EXD3: variants seen among roughly 807,000 people sequenced by gnomAD.
EXD3 encodes exonuclease 3'-5' domain containing 3.
A neutral mutation model predicts 98.0 loss-of-function variants in EXD3; 92 were observed. That is an observed-to-expected ratio of 0.94 (90% CI 0.79 to 1.12). EXD3 has a LOEUF of 1.12. EXD3 is among the 50% of genes most tolerant of loss of function. The pLI, the probability that EXD3 is intolerant of heterozygous loss-of-function variation, is 0.00. For missense variants in EXD3, 1,222 were observed against 1,191.6 expected (o/e 1.03, Z -0.38); for synonymous variants, 569 against 526.0 (o/e 1.08, Z -1.12).
intron 5 of EXD3, among the ~76,000 whole-genome samples, chr9:137,369,026 GA>G: frequency 7.0e-6 from 1 of 143,412 alleles, no homozygotes; most frequent in Non-Finnish European, 1.5e-5. Context: ...GCCGTGTGGG[GA>G]GGGGCGCAGG....
intron 20 of EXD3, 26 bp from the exon 21 acceptor site, chr9:137,307,672 C>T (rs1564457304): frequency 1.2e-6 from 2 of 1,607,038 alleles, no homozygotes; most frequent in African/African-American, 1.3e-5. Flanking sequence ...GAGAGCTGGT[C>T]CGGGACTGTC....
rs756582069 is a variant in EXD3, at chr9:137,354,397, G to A, written c.832-20C>T. The stretch of plus-strand genomic sequence containing the variant: ...GCTCTTCTGCAAAGGCAAACAGGAA[G>A]GGGCGGTTGCCAGGCAGCTCCAGAG... On this transcript the variant is annotated intron_variant, in intron 9 of 21. Coordinates refer to ENST00000340951, the MANE Select transcript of EXD3 (RefSeq NM_017820.5). 1.2e-6 allele frequency: 2 copies of A among 1,612,326 alleles called. 1 individual carries two copies. Among genetic ancestry groups the A allele is most frequent in the South Asian group, 2.2e-5 (2 of 91,078 alleles).
At chr9:137,330,559 A>C (rs1468274187) in intron 17 of EXD3, among the ~76,000 whole-genome samples, 1 of 135,938 alleles carries the variant, frequency 7.4e-6, no homozygotes, top group East Asian at 2.6e-4. Context: ...GGAGCTACAC[A>C]GGGCTCCACA....
intron 6 of EXD3, among the ~76,000 whole-genome samples, chr9:137,367,151 C>T (rs1056424677): frequency 4.6e-5 from 7 of 152,194 alleles, no homozygotes; most frequent in Non-Finnish European, 7.3e-5. Context: ...CACCTCCCTT[C>T]CCCCACCTCC....
At chr9:137,390,308 T>A (rs1836836194) in intron 2 of EXD3, among the ~76,000 whole-genome samples, 1 of 150,600 alleles carries the variant, frequency 6.6e-6, no homozygotes, top group Admixed American at 6.6e-5. Flanking sequence ...GGCGGGCACC[T>A]GTAGTCCCAG....
chr9:137,345,638 G>A (rs1055307378), intron 17 of EXD3: 5 of 148,882 alleles, frequency 3.4e-5, no homozygotes, highest in Admixed American at 6.8e-5. Context: ...CTCCAGCCTG[G>A]GCAACAGAGT....
rs954225481 is a variant in EXD3 at position 137,407,138 on chromosome 9, C to G, written c.-47-11734G>C. Among the ~76,000 whole-genome samples, 1 of 152,176 alleles carries G rather than the reference C, an allele frequency of 6.6e-6. No individual in the cohort carries two copies. The highest frequency in any genetic ancestry group is 1.5e-5 in the Non-Finnish European group (1 of 68,018). ...GTCCCGGGCACCCCACGCCGACCGC[C>G]GCGCGTCCGGGCCGGTCTCTGGGCC... On this transcript the variant is annotated intron_variant, in intron 1 of 21. Transcript: ENST00000340951. This position sits in a 1 kb window ranked among gnomAD's most constrained non-coding sequence, Gnocchi z 4.4.
At chr9:137,334,146 C>T (rs1833236732) in intron 17 of EXD3, among the ~76,000 whole-genome samples, 1 of 152,168 alleles carries the variant, frequency 6.6e-6, no homozygotes, top group African/African-American at 2.4e-5. Context: ...GGACTACAGG[C>T]ACCCGCCACC....
intron 14 of EXD3, among the ~76,000 whole-genome samples, chr9:137,350,607 A>AG (rs1444211639): frequency 1.1e-4 from 8 of 75,390 alleles, no homozygotes; most frequent in South Asian, 5.6e-4. Context: ...GATCACGGGG[A>AG]GGGTTCTAGA....
At chr9:137,343,104 A>C (rs1341030869) in intron 17 of EXD3, 1 of 152,364 alleles carries the variant, frequency 6.6e-6, no homozygotes, top group Non-Finnish European at 1.5e-5. Context: ...TGGGCGACAG[A>C]GTAAGACTCT....
At chr9:137,363,940 T>C (rs1325244016) in intron 7 of EXD3, among the ~76,000 whole-genome samples, 2 of 152,182 alleles carry the variant, frequency 1.3e-5, no homozygotes, top group Non-Finnish European at 2.9e-5. Context: ...ATTCCTGATG[T>C]TCATCACTTA....
At chr9:137,354,041 CCCCCACCCGG>C in intron 10 of EXD3, 1 of 1,198,708 alleles carries the variant, frequency 8.3e-7, no homozygotes, top group Non-Finnish European at 1.0e-6. Context: ...TGACTCTCAG[CCCCCACCCGG>C]CCCCACAGGC....
rs1297801086 is a variant in EXD3, at chr9:137,385,605, G to A, written c.56-2228C>T. Among the ~76,000 whole-genome samples, 1 of 152,260 alleles carries A rather than the reference G, an allele frequency of 6.6e-6. No homozygotes were observed. The highest frequency in any genetic ancestry group is 2.4e-5 in the African/African-American group (1 of 41,562). ...GGCTGGAGTGCAGTGCTGTGATCTCGGCTCACTGCAACCTCCACCTCTCAG... is the reference window on the plus strand; with the variant it reads ...GGCTGGAGTGCAGTGCTGTGATCTCAGCTCACTGCAACCTCCACCTCTCAG... On this transcript the variant is annotated intron_variant, in intron 2 of 21. Transcript: ENST00000340951. The surrounding 1 kb of genome is among the most constrained non-coding windows in gnomAD (Gnocchi z 4.4).
intron 2 of EXD3, chr9:137,392,471 G>A (rs1164111153): frequency 5.8e-6 from 1 of 173,232 alleles, no homozygotes; most frequent in African/African-American, 2.4e-5. Flanking sequence ...CAGGCAGCGA[G>A]GCGGGGCCAG....
chr9:137,417,644 C>T (rs1588447364), intron 1 of EXD3, among the ~76,000 whole-genome samples: 1 of 152,138 alleles, frequency 6.6e-6, no homozygotes, highest in Non-Finnish European at 1.5e-5. Flanking sequence ...AACGGCCGAG[C>T]GGAGGAGGAG....
intron 1 of EXD3, among the ~76,000 whole-genome samples, chr9:137,413,738 C>T (rs1054298391): frequency 6.6e-5 from 10 of 151,702 alleles, no homozygotes; most frequent in Non-Finnish European, 1.3e-4. Context: ...CCTGACCTCA[C>T]GTGATCCACT....
rs187035395 is a variant in EXD3 at position 137,397,383 on chromosome 9, G to A, written c.-47-1979C>T. ...ACAAAACATCAAGACACAACCCCAA[G>A]TTCAAGGGACTCAGCCAGAAGCTGA... On this transcript the variant is annotated intron_variant, in intron 1 of 21. Transcript: ENST00000340951. Among the ~76,000 whole-genome samples, 11 of 152,302 alleles carry A rather than the reference G, an allele frequency of 7.2e-5. No homozygotes were observed. The East Asian group carries it at 2.1e-3, about 29-fold the overall frequency.
In EXD3 at chr9:137,405,421, C is replaced by T. The variant is rs1010940415; in HGVS notation, c.-47-10017G>A. Among the ~76,000 whole-genome samples the T allele has an allele frequency of 1.3e-5, 2 of 152,228 alleles. No homozygotes were observed. Among genetic ancestry groups the T allele is most frequent in the South Asian group, 2.1e-4 (1 of 4,832 alleles). Reference sequence around the variant, plus strand: ...TCCTGGACTCATTCGTGCTGGTGTCCGTGGCCCAAGGATTTGCAGAGCCGC... The same window carrying T: ...TCCTGGACTCATTCGTGCTGGTGTCTGTGGCCCAAGGATTTGCAGAGCCGC... On this transcript the variant is annotated intron_variant, in intron 1 of 21. Coordinates refer to ENST00000340951, the MANE Select transcript of EXD3 (RefSeq NM_017820.5). This position sits in a 1 kb window ranked among gnomAD's most constrained non-coding sequence, Gnocchi z 4.1.
At position 137,330,351 on chromosome 9, in the gene EXD3, ACTACACAGGAG is replaced by A. The variant is rs1207767930; in HGVS notation, c.1999-6219_1999-6209del. On this transcript the variant is annotated intron_variant, in intron 17 of 21. Transcript: ENST00000340951. The stretch of plus-strand genomic sequence containing the variant: ...ACGGGACTACACAGGACTACACAGG[ACTACACAGGAG>A]CTACACAGGAGCTACACAGGACTAC... 7.7e-4 allele frequency among the ~76,000 whole-genome samples: 105 copies of A among 135,712 alleles called. 3 individuals carry two copies. Among genetic ancestry groups the A allele is most frequent in the East Asian group, 5.4e-3 (22 of 4,072 alleles). The allele number at this position is 135,712 out of a possible 152,430, so 89.0% of individuals were successfully genotyped here.
Sources: gnomAD v4.1 joint callset for allele counts (sites outside exome capture counted in the v4.1 genomes callset) on GRCh38, gnomAD v4.1.1 for gene constraint, Gnocchi (gnomAD v3.1) non-coding constraint, MANE v1.5 for transcripts, NCBI Gene and HGNC (gene_info 2026-07-23, HGNC 2026-07-21) for gene names.